Variants in CPVL observed in about 807,000 individuals in gnomAD.
CPVL encodes the protein carboxypeptidase vitellogenic like.
Under a neutral mutation model 63.7 loss-of-function variants are expected in CPVL, and 51 were observed. The observed-to-expected ratio is 0.80, with a 90% CI of 0.64 to 1.01. The LOEUF is 1.01. CPVL is among the 50% of genes least tolerant of loss of function. The pLI is 0.00. For missense variants in CPVL, 530 were observed against 573.1 expected (o/e 0.92, Z 0.77); for synonymous variants, 195 against 206.0 (o/e 0.95, Z 0.46).
At position 28,995,460 on chromosome 7, in the gene CPVL, C is replaced by CTT; in HGVS notation, c.*310_*311dup. ...GTTACAACTGCACTTTTCACTTACTCTTAGAAGAAATTAAAACTTCCTATT... is the reference window on the plus strand; with the variant it reads ...GTTACAACTGCACTTTTCACTTACTCTTTTAGAAGAAATTAAAACTTCCTATT... On this transcript the variant is annotated 3_prime_UTR_variant, in exon 13 of 13. Coordinates refer to ENST00000265394, the MANE Select transcript of CPVL (RefSeq NM_031311.5). 4.1e-6 allele frequency: 1 copy of CTT among 241,948 alleles called. No homozygotes were observed. The highest frequency in any genetic ancestry group is 7.8e-6 in the Non-Finnish European group (1 of 127,676). 15.0% of individuals were successfully genotyped at this position (241,948 alleles called of 1,614,324 possible). A position where few individuals can be genotyped will look rare whatever the true frequency, so the allele number is the denominator to read the frequency against.
chr7:29,018,609 C>A (rs185114055), intron 12 of CPVL, among the ~76,000 whole-genome samples: 15 of 152,134 alleles, frequency 9.9e-5, no homozygotes, highest in Admixed American at 9.2e-4. Context: ...GAACTCCTGG[C>A]CTCAAGTGAT....
At chr7:29,014,648 A>G (rs1005957597) in intron 12 of CPVL, among the ~76,000 whole-genome samples, 7 of 152,186 alleles carry the variant, frequency 4.6e-5, no homozygotes, top group Non-Finnish European at 7.3e-5. Context: ...AGCCAAAGCT[A>G]AAACATTTTT....
chr7:28,998,547 T>C (rs544057848), intron 12 of CPVL, among the ~76,000 whole-genome samples: 205 of 152,312 alleles, frequency 1.3e-3, no homozygotes, highest in South Asian at 3.5e-3. Flanking sequence ...AGTTGTGAGT[T>C]GTGTGAGGAG....
At chr7:29,059,090 T>A (rs116266936) in intron 11 of CPVL, among the ~76,000 whole-genome samples, 68 of 152,194 alleles carry the variant, frequency 4.5e-4, no homozygotes, top group African/African-American at 1.2e-3. Context: ...TCAAAAAAAA[T>A]TTTTTTAAGT....
At chr7:29,188,948 CT>C (rs11376135) in intron 1 of CPVL, among the ~76,000 whole-genome samples, 312 of 129,944 alleles carry the variant, frequency 2.4e-3, no homozygotes, top group Middle Eastern at 8.1e-3. Context: ...TTCCTCATAC[CT>C]TTTTTTTTTT....
At chr7:29,036,275 A>T (rs1261901293) in intron 11 of CPVL, among the ~76,000 whole-genome samples, 1 of 152,200 alleles carries the variant, frequency 6.6e-6, no homozygotes, top group Non-Finnish European at 1.5e-5. Context: ...ACTATACAGA[A>T]TTGTAACGAG....
intron 11 of CPVL, among the ~76,000 whole-genome samples, chr7:29,043,113 A>G (rs907450955): frequency 6.6e-6 from 1 of 152,084 alleles, no homozygotes; most frequent in Non-Finnish European, 1.5e-5. Flanking sequence ...TCTAATTCCC[A>G]CCTGTTGTTA....
chr7:29,017,500 G>C (rs1024073993), intron 12 of CPVL, among the ~76,000 whole-genome samples: 1 of 152,200 alleles, frequency 6.6e-6, no homozygotes, highest in Non-Finnish European at 1.5e-5. Flanking sequence ...GGGCATGATG[G>C]TGTGTGTCTG....
chr7:29,128,175 G>GTTTTTTTGT (rs1790250162), intron 1 of CPVL: 7 of 139,604 alleles, frequency 5.0e-5, no homozygotes, highest in African/African-American at 1.9e-4. Context: ...AAAGTTAAGA[G>GTTTTTTTGT]TTTTTTTTTT....
intron 1 of CPVL, among the ~76,000 whole-genome samples, chr7:29,132,833 CTA>C (rs1347382577): frequency 6.6e-6 from 1 of 152,164 alleles, no homozygotes; most frequent in Admixed American, 6.5e-5. Flanking sequence ...TCCACTGTCT[CTA>C]TTATCCTGCA....
intron 1 of CPVL, among the ~76,000 whole-genome samples, chr7:29,124,188 C>T (rs1789723930): frequency 6.6e-6 from 1 of 152,082 alleles, no homozygotes; most frequent in South Asian, 2.1e-4. Flanking sequence ...TAGCATGAGT[C>T]CTTTTATTTA....
chr7:29,081,692 C>T (rs1182331559), intron 7 of CPVL, among the ~76,000 whole-genome samples: 1 of 152,208 alleles, frequency 6.6e-6, no homozygotes, highest in Non-Finnish European at 1.5e-5. Flanking sequence ...AACACTTCAG[C>T]TCTTGTCTCC....
chr7:29,071,126 A>C (rs1783695385), intron 9 of CPVL, among the ~76,000 whole-genome samples: 1 of 152,200 alleles, frequency 6.6e-6, no homozygotes, highest in Non-Finnish European at 1.5e-5. Context: ...AAACAAAAAA[A>C]ACCCAACTTC....
chr7:29,119,942 G>A (rs1789193089), intron 2 of CPVL, among the ~76,000 whole-genome samples: 1 of 152,194 alleles, frequency 6.6e-6, no homozygotes, highest in South Asian at 2.1e-4. Context: ...CATGCAGAAA[G>A]CTTGGAACCA....
At chr7:29,024,847 TC>T (rs1437093068) in intron 12 of CPVL, among the ~76,000 whole-genome samples, 3 of 152,146 alleles carry the variant, frequency 2.0e-5, no homozygotes, top group African/African-American at 7.2e-5. Context: ...CTTAAGGCAG[TC>T]CTATAACTGG....
chr7:29,126,190 C>T (rs1282883202), intron 1 of CPVL: 1 of 152,184 alleles, frequency 6.6e-6, no homozygotes, highest in Non-Finnish European at 1.5e-5. Context: ...ACAGATTACA[C>T]ATATGATGAT....
chr7:29,046,902 G>A (rs318110), intron 11 of CPVL, among the ~76,000 whole-genome samples: 2,191 of 152,230 alleles, frequency 0.014, 55 homozygotes, highest in African/African-American at 0.051. Flanking sequence ...GTGTATGAGA[G>A]TGCATTCGCA....
At chr7:29,016,319 C>A (rs1225131126) in intron 12 of CPVL, among the ~76,000 whole-genome samples, 1 of 151,610 alleles carries the variant, frequency 6.6e-6, no homozygotes, top group East Asian at 1.9e-4. Context: ...CCACTGCACT[C>A]CAGCCTGGAT....
rs568217773 is a variant in CPVL at position 29,064,160 on chromosome 7, A to G, written c.1038T>C (p.Asn346=). ...CTATAGTTCCATCATTAAAAGTCTG[A>G]TTCCCCACGTGGATGGCTTGTCTCA... is the stretch of plus-strand genomic sequence containing the variant. ...PEVRQAIHVG[N]QTFNDGTIVE... Residue 346 remains asparagine (N), a synonymous_variant, in exon 11 of 13, where the codon AAT becomes AAC. Transcript: ENST00000265394. 6.2e-6 allele frequency: 10 copies of G among 1,612,798 alleles called. No individual in the cohort carries two copies. The East Asian group carries it at 2.2e-4, about 36-fold the overall frequency.
Sources: gnomAD v4.1 joint callset for allele counts (sites outside exome capture counted in the v4.1 genomes callset) on GRCh38, gnomAD v4.1.1 for gene constraint, MANE v1.5 for transcripts, NCBI Gene and HGNC (gene_info 2026-07-23, HGNC 2026-07-21) for gene names.